The following DSCAM variants were observed in gnomAD, a reference collection of about 807,000 sequenced individuals.
The protein encoded by DSCAM is DS cell adhesion molecule.
In DSCAM, 47 loss-of-function variants were observed where a neutral mutation model predicts 217.7. The observed-to-expected ratio is 0.22, with a 90% CI of 0.17 to 0.28. The LOEUF (loss-of-function observed/expected upper bound fraction) is 0.28, where lower values mean the gene tolerates loss of function less well. DSCAM is among the 10% of genes least tolerant of loss of function. DSCAM has a pLI of 1.00. For synonymous variants in DSCAM, 1,056 were observed against 1,015.3 expected (o/e 1.04, Z -0.76); for missense variants, 2,080 against 2,618.3 (o/e 0.79, Z 4.49).
intron 1 of DSCAM, among the ~76,000 whole-genome samples, chr21:40,753,454 C>A (rs748774372): frequency 5.9e-5 from 9 of 152,220 alleles, no homozygotes; most frequent in Non-Finnish European, 1.3e-4. Context: ...AAATTACCTA[C>A]GGAAAGATGA....
At chr21:40,056,933 G>A (rs1001825819) in intron 28 of DSCAM, among the ~76,000 whole-genome samples, 1 of 152,170 alleles carries the variant, frequency 6.6e-6, no homozygotes, top group Non-Finnish European at 1.5e-5. Flanking sequence ...TGCCTCCACC[G>A]ATCCTTCCTT....
intron 1 of DSCAM, among the ~76,000 whole-genome samples, chr21:40,761,530 T>C (rs1003024066): frequency 1.3e-5 from 2 of 152,114 alleles, no homozygotes; most frequent in African/African-American, 4.8e-5. Context: ...GGAACAGATC[T>C]TTCCCTCACA....
chr21:40,114,200 G>T (rs1601344259), intron 20 of DSCAM, among the ~76,000 whole-genome samples: 1 of 144,128 alleles, frequency 6.9e-6, no homozygotes, highest in Admixed American at 7.1e-5. Context: ...GCATGGTACT[G>T]GTACCAAAAC....
chr21:40,606,494 T>C (rs36046578), intron 3 of DSCAM, among the ~76,000 whole-genome samples: 8,440 of 152,302 alleles, frequency 0.055, 346 homozygotes, highest in South Asian at 0.15. Context: ...CAAATATTTG[T>C]CAAGTACAAA....
At chr21:40,547,172 G>C (rs1047583768) in intron 3 of DSCAM, among the ~76,000 whole-genome samples, 1 of 152,094 alleles carries the variant, frequency 6.6e-6, no homozygotes, top group African/African-American at 2.4e-5. Context: ...ACTGTCCCCC[G>C]GTGTAGACAC....
At chr21:40,125,120 A>G (rs543602019) in intron 19 of DSCAM, among the ~76,000 whole-genome samples, 2 of 152,236 alleles carry the variant, frequency 1.3e-5, no homozygotes, top group East Asian at 3.9e-4. Flanking sequence ...GTATGGAAAT[A>G]TTGTTGATGA....
chr21:40,559,691 T>C (rs2076701636), intron 3 of DSCAM, among the ~76,000 whole-genome samples: 1 of 152,106 alleles, frequency 6.6e-6, no homozygotes, highest in Non-Finnish European at 1.5e-5. Flanking sequence ...AGTCAGCTTA[T>C]TGCAACATCT....
intron 13 of DSCAM, 147 bp downstream of exon 13, chr21:40,187,744 T>C: frequency 1.3e-6 from 1 of 765,794 alleles, no homozygotes; most frequent in Non-Finnish European, 2.2e-6. Flanking sequence ...AATTCTGCTT[T>C]AGCACTGACA....
At chr21:40,617,158 C>T (rs1394812667) in intron 3 of DSCAM, among the ~76,000 whole-genome samples, 2 of 129,584 alleles carry the variant, frequency 1.5e-5, no homozygotes, top group Non-Finnish European at 1.6e-5. Flanking sequence ...GAGTCTTGCT[C>T]AGTTGCCCAG....
chr21:40,634,545 G>A (rs79070704), intron 3 of DSCAM, among the ~76,000 whole-genome samples: 3 of 152,220 alleles, frequency 2.0e-5, no homozygotes, highest in East Asian at 3.9e-4. Context: ...GATGCAACAC[G>A]ATGGCCATAC....
chr21:40,401,040 C>T lies in DSCAM; in HGVS notation c.509-31795G>A, dbSNP rs2075228752. On this transcript the variant is annotated intron_variant, in intron 3 of 32. Coordinates refer to ENST00000400454, the MANE Select transcript of DSCAM (RefSeq NM_001389.5). Reference sequence around the variant, plus strand: ...TTGAATTTTTGTTTGAAAAATTTTACCATTGAATCAAATACTGTTGGTTAT... The same window carrying T: ...TTGAATTTTTGTTTGAAAAATTTTATCATTGAATCAAATACTGTTGGTTAT... Among the ~76,000 whole-genome samples the T allele has an allele frequency of 2.6e-5, 4 of 152,112 alleles. No individual in the cohort carries two copies. The South Asian group carries it at 8.3e-4, about 32-fold the overall frequency.
At chr21:40,439,520 C>A (rs373624941) in intron 3 of DSCAM, among the ~76,000 whole-genome samples, 15 of 152,282 alleles carry the variant, frequency 9.9e-5, no homozygotes, top group African/African-American at 3.4e-4. Context: ...AGCATGTATT[C>A]GGAACCTCAG....
chr21:40,563,688 A>G (rs1601747793), intron 3 of DSCAM, among the ~76,000 whole-genome samples: 1 of 63,614 alleles, frequency 1.6e-5, no homozygotes, highest in Non-Finnish European at 2.9e-5. Flanking sequence ...ATATGTTTAT[A>G]TATAGTTATA....
chr21:40,353,129 G>A (rs1339763918), intron 5 of DSCAM, among the ~76,000 whole-genome samples: 1 of 152,154 alleles, frequency 6.6e-6, no homozygotes, highest in East Asian at 1.9e-4. Flanking sequence ...TTCATTTTTA[G>A]AGAGACTGGT....
In DSCAM at chr21:40,016,254, A is replaced by G. The variant is rs960965935; in HGVS notation, c.5687-2868T>C. ...TCCAAGGAAGGTGGCTTCAGAGTCA[A>G]TGACAAGTGGGAGTGGTGACAGAGG... On this transcript the variant is annotated intron_variant, in intron 32 of 32. Coordinates refer to ENST00000400454, the MANE Select transcript of DSCAM (RefSeq NM_001389.5). The surrounding 1 kb of genome is among the most constrained non-coding windows in gnomAD (Gnocchi z 4.3). Among the ~76,000 whole-genome samples, 3 of 152,178 alleles carry G rather than the reference A, an allele frequency of 2.0e-5. No homozygotes were observed. Among genetic ancestry groups the G allele is most frequent in the Non-Finnish European group, 4.4e-5 (3 of 68,022 alleles).
At chr21:40,567,411 C>T (rs1004135947) in intron 3 of DSCAM, among the ~76,000 whole-genome samples, 7 of 152,202 alleles carry the variant, frequency 4.6e-5, no homozygotes, top group Admixed American at 1.3e-4. Flanking sequence ...TCTGCGTTTC[C>T]GCATCTCCTC....
At position 40,032,080 on chromosome 21, in the gene DSCAM, G is replaced by T. The variant is rs373343914; in HGVS notation, c.5686+10291C>A. ...CCTAACTCAGCTCCTTCTGTGGGAT[G>T]ATTCAAGATGCACATTGTTGTAGAA... On this transcript the variant is annotated intron_variant, in intron 32 of 32. Coordinates refer to ENST00000400454, the MANE Select transcript of DSCAM (RefSeq NM_001389.5). Among the ~76,000 whole-genome samples the T allele has an allele frequency of 3.4e-4, 52 of 152,298 alleles. No individual in the cohort carries two copies. The East Asian group carries it at 3.7e-3, about 11-fold the overall frequency.
intron 8 of DSCAM, among the ~76,000 whole-genome samples, chr21:40,332,653 G>C (rs2074389171): frequency 6.6e-6 from 1 of 152,178 alleles, no homozygotes; most frequent in Admixed American, 6.5e-5. Context: ...TGCTTGTTAA[G>C]TTGAAATGAA....
chr21:40,279,428 C>A (rs1324391579), intron 10 of DSCAM, among the ~76,000 whole-genome samples: 1 of 152,194 alleles, frequency 6.6e-6, no homozygotes, highest in Admixed American at 6.5e-5. Flanking sequence ...CAATGTGATA[C>A]CATCTCATGC....
Sources: allele counts gnomAD v4.1 joint callset (sites outside exome capture counted in the v4.1 genomes callset), GRCh38; gene constraint gnomAD v4.1.1; non-coding constraint Gnocchi (gnomAD v3.1); transcripts MANE v1.5; gene names NCBI Gene and HGNC (gene_info 2026-07-23, HGNC 2026-07-21).